The following GPAT3 variants were observed in gnomAD, a reference collection of about 807,000 sequenced individuals.
GPAT3 encodes the protein glycerol-3-phosphate acyltransferase 3, also known as 1-AGP acyltransferase 9.
In GPAT3, 53 loss-of-function variants were observed where a neutral mutation model predicts 58.8. That is an observed-to-expected ratio of 0.90 (90% CI 0.72 to 1.13). The LOEUF (loss-of-function observed/expected upper bound fraction) is 1.13. GPAT3 is among the 50% of genes most tolerant of loss of function. The pLI is 0.00. For missense variants in GPAT3, 511 were observed against 527.6 expected (o/e 0.97, Z 0.31); for synonymous variants, 197 against 187.4 (o/e 1.05, Z -0.42).
intron 1 of GPAT3, among the ~76,000 whole-genome samples, chr4:83,541,380 A>G (rs978048387): frequency 1.3e-5 from 2 of 148,640 alleles, no homozygotes; most frequent in East Asian, 2.0e-4. Flanking sequence ...ACCATGCCCA[A>G]CTAATTTAAA....
intron 6 of GPAT3, among the ~76,000 whole-genome samples, chr4:83,593,007 C>T (rs1287528439): frequency 6.6e-6 from 1 of 150,922 alleles, no homozygotes; most frequent in Admixed American, 6.6e-5. Context: ...GCTGGGATTA[C>T]AGGTGCCCAC....
intron 1 of GPAT3, among the ~76,000 whole-genome samples, chr4:83,537,625 G>GTGTGTGTGTGTA (rs138199995): frequency 5.4e-5 from 8 of 147,694 alleles, no homozygotes; most frequent in African/African-American, 2.0e-4. Flanking sequence ...GTGTGTGTGT[G>GTGTGTGTGTGTA]TATATTTAAC....
intron 4 of GPAT3, among the ~76,000 whole-genome samples, chr4:83,587,676 T>G (rs113028828): frequency 0.054 from 8,236 of 152,208 alleles, 773 homozygotes; most frequent in African/African-American, 0.19. Flanking sequence ...TTTGCTTTCC[T>G]TGGCCTCCCA....
At chr4:83,564,335 A>G (rs185802229) in intron 2 of GPAT3, among the ~76,000 whole-genome samples, 193 of 152,304 alleles carry the variant, frequency 1.3e-3, no homozygotes, top group African/African-American at 4.3e-3. Context: ...TCTGGGAACT[A>G]TCTACTCATG....
chr4:83,555,824 A>G (rs28463240), intron 2 of GPAT3, among the ~76,000 whole-genome samples: 24,664 of 152,158 alleles, frequency 0.16, 2,268 homozygotes, highest in East Asian at 0.31. Flanking sequence ...CTCTAACTCC[A>G]GGTAGATAGT....
intron 2 of GPAT3, among the ~76,000 whole-genome samples, chr4:83,561,819 A>AG (rs1553944778): frequency 5.3e-5 from 8 of 151,466 alleles, no homozygotes; most frequent in African/African-American, 1.5e-4. Context: ...AAAAAAAAAA[A>AG]AGAGAGAGAG....
intron 3 of GPAT3, among the ~76,000 whole-genome samples, chr4:83,586,155 T>A (rs1302095153): frequency 1.3e-5 from 2 of 152,192 alleles, no homozygotes; most frequent in Admixed American, 1.3e-4. Flanking sequence ...GAATATTGCG[T>A]GGTGTATAGT....
At chr4:83,540,702 G>T (rs553341648) in intron 1 of GPAT3, among the ~76,000 whole-genome samples, 1 of 151,686 alleles carries the variant, frequency 6.6e-6, no homozygotes, top group Non-Finnish European at 1.5e-5. Flanking sequence ...ATTTCTTTTT[G>T]TGAGACAGAG....
intron 2 of GPAT3, among the ~76,000 whole-genome samples, chr4:83,581,203 G>A (rs1399039204): frequency 6.6e-6 from 1 of 151,494 alleles, no homozygotes; most frequent in Non-Finnish European, 1.5e-5. Context: ...GAGAACAGAA[G>A]TCTTTGTTTT....
rs1560611236 is a variant in GPAT3 at position 83,562,232 on chromosome 4, ATAT to A, written c.208+17631_208+17633del. 3.7e-3 allele frequency among the ~76,000 whole-genome samples: 286 copies of A among 76,404 alleles called. 14 individuals are homozygous for A. Among genetic ancestry groups the A allele is most frequent in the African/African-American group, 0.014 (274 of 19,364 alleles). 50.1% of individuals were successfully genotyped at this position (76,404 alleles called of 152,430 possible). A position where few individuals can be genotyped will look rare whatever the true frequency, so the allele number is the denominator to read the frequency against. On this transcript the variant is annotated intron_variant, in intron 2 of 11. Coordinates refer to ENST00000264409, the MANE Select transcript of GPAT3 (RefSeq NM_032717.5). ...TATATTATATATATATATAATATAT[ATAT>A]AATATATATATATAAAATATAGTTT...
intron 2 of GPAT3, among the ~76,000 whole-genome samples, chr4:83,578,921 T>TTTTC (rs1207311492): frequency 8.1e-4 from 32 of 39,448 alleles, no homozygotes; most frequent in South Asian, 2.0e-3. Flanking sequence ...TTCTTTTTTC[T>TTTTC]TTTCTTTCTT....
rs1321817621 is a variant in GPAT3 at position 83,583,300 on chromosome 4, AAAAG to A, written c.479+1484_479+1487del. ...AGAGCGAGACTGCGTATCCAAAAAAAAAAGAAAGAAAGAAAGAAAAAAAGCTTCT... is the reference window on the plus strand; with the variant it reads ...AGAGCGAGACTGCGTATCCAAAAAAAAAAGAAAGAAAGAAAAAAAGCTTCT... On this transcript the variant is annotated intron_variant, in intron 3 of 11. Coordinates refer to ENST00000264409, the MANE Select transcript of GPAT3 (RefSeq NM_032717.5). Among the ~76,000 whole-genome samples, 9 of 152,018 alleles carry A rather than the reference AAAAG, an allele frequency of 5.9e-5. No individual in the cohort carries two copies. The East Asian group carries it at 7.7e-4, about 13-fold the overall frequency.
At chr4:83,542,569 C>A (rs755389672) in intron 1 of GPAT3, among the ~76,000 whole-genome samples, 15 of 152,196 alleles carry the variant, frequency 9.9e-5, no homozygotes, top group Non-Finnish European at 1.9e-4. Flanking sequence ...TACTCCCTGA[C>A]CTTGATGTAC....
At chr4:83,542,912 C>T (rs1724359094) in intron 1 of GPAT3, among the ~76,000 whole-genome samples, 1 of 151,804 alleles carries the variant, frequency 6.6e-6, no homozygotes, top group Admixed American at 6.6e-5. Flanking sequence ...GCAGGAGAAT[C>T]GCTTGAACCC....
intron 5 of GPAT3, 99 bp downstream of exon 5, chr4:83,588,398 C>A: frequency 9.0e-7 from 1 of 1,105,542 alleles, no homozygotes; most frequent in Non-Finnish European, 1.4e-6. Context: ...TGGGTGGAGT[C>A]AGAGTGCTTC....
chr4:83,547,345 C>T (rs1029437534), intron 2 of GPAT3, among the ~76,000 whole-genome samples: 3 of 150,148 alleles, frequency 2.0e-5, no homozygotes, highest in African/African-American at 7.4e-5. Flanking sequence ...CTCCGCCTCC[C>T]AGATTCACGC....
At position 83,604,773 on chromosome 4, in the gene GPAT3, CG is replaced by C. The variant is rs1727195062; in HGVS notation, c.*8del. 6.2e-7 allele frequency: 1 copy of C among 1,610,122 alleles called. No individual in the cohort carries two copies. On this transcript the variant is annotated 3_prime_UTR_variant, in exon 12 of 12. Transcript: ENST00000264409. ...GCAATGGATCTCTCAGCTAAGAGGA[CG>C]GATGACAGCCTTTAGATCTAGAACT...
intron 1 of GPAT3, 36 bp from the exon 2 acceptor site, chr4:83,544,498 TGG>T: frequency 6.3e-7 from 1 of 1,586,428 alleles, no homozygotes; most frequent in South Asian, 1.1e-5. Context: ...GTTGTGTCTG[TGG>T]GACAGTTTAA....
At chr4:83,547,243 G>A (rs1477895640) in intron 2 of GPAT3, among the ~76,000 whole-genome samples, 1 of 141,404 alleles carries the variant, frequency 7.1e-6, no homozygotes, top group Non-Finnish European at 1.5e-5. Context: ...TCCTTCTACT[G>A]CTCTTTTTTT....
Sources: gnomAD v4.1 joint callset for allele counts (sites outside exome capture counted in the v4.1 genomes callset) on GRCh38, gnomAD v4.1.1 for gene constraint, MANE v1.5 for transcripts, NCBI Gene and HGNC (gene_info 2026-07-23, HGNC 2026-07-21) for gene names.